CNOT6L: variants seen among roughly 807,000 people sequenced by gnomAD.
CNOT6L encodes the protein CCR4-NOT transcription complex subunit 6-like.
CNOT6L carries 7 observed loss-of-function variants against 64.0 expected under a neutral mutation model. That is an observed-to-expected ratio of 0.11 (90% confidence interval 0.06 to 0.21). The LOEUF is 0.21. Ranked by LOEUF, CNOT6L falls within the 10% of genes least tolerant of loss-of-function variation. CNOT6L has a pLI of 1.00. For synonymous variants in CNOT6L, 193 were observed against 243.4 expected (o/e 0.79, Z 1.93); for missense variants, 245 against 669.0 (o/e 0.37, Z 6.99).
chr4:77,773,513 C>T (rs1727834918), intron 3 of CNOT6L, among the ~76,000 whole-genome samples: 1 of 152,126 alleles, frequency 6.6e-6, no homozygotes, highest in Admixed American at 6.6e-5. Flanking sequence ...AGCAGCTAAA[C>T]AACAGATATC....
intron 9 of CNOT6L, 121 bp downstream of exon 9, chr4:77,731,266 A>C (rs1383830281): frequency 2.3e-6 from 2 of 859,538 alleles, no homozygotes; most frequent in Non-Finnish European, 3.6e-6. Context: ...ATCTCCCTTA[A>C]CTTTCCTCAA....
chr4:77,814,464 T>C (rs1235074540), intron 1 of CNOT6L, among the ~76,000 whole-genome samples: 3 of 152,186 alleles, frequency 2.0e-5, no homozygotes, highest in East Asian at 1.9e-4. Flanking sequence ...AGAATGTCTA[T>C]AAACAGTTTA....
chr4:77,720,747 C>A (rs1463704217), intron 11 of CNOT6L, 104 bp from the exon 12 acceptor site: 10 of 1,122,046 alleles, frequency 8.9e-6, no homozygotes, highest in South Asian at 4.6e-5. Flanking sequence ...TCTTCTGGTA[C>A]CTGTTGTCTT....
chr4:77,755,360 G>A (rs1725444031), intron 5 of CNOT6L, among the ~76,000 whole-genome samples: 1 of 147,044 alleles, frequency 6.8e-6, no homozygotes, highest in Non-Finnish European at 1.5e-5. Flanking sequence ...GGGACTACAG[G>A]CACGTGCCAC....
chr4:77,714,762 GA>G lies in CNOT6L; in HGVS notation c.*5668del, dbSNP rs1720569078. On this transcript the variant is annotated 3_prime_UTR_variant, in exon 12 of 12. Transcript: ENST00000504123. The stretch of plus-strand genomic sequence containing the variant: ...GAAAAGTTGGCAGAGCACCGCTCAG[GA>G]ATTTCACAGGTAAGGGAATATATTT... 1 of 152,554 alleles carries G rather than the reference GA, an allele frequency of 6.6e-6. No individual in the cohort carries two copies. Among genetic ancestry groups the G allele is most frequent in the South Asian group, 2.1e-4 (1 of 4,834 alleles). The allele number at this position is 152,554 out of a possible 1,614,324, so 9.5% of individuals were successfully genotyped here. A position where few individuals can be genotyped will look rare whatever the true frequency, so the allele number is the denominator to read the frequency against.
At chr4:77,792,378 G>A (rs1381191160) in intron 1 of CNOT6L, among the ~76,000 whole-genome samples, 1 of 151,966 alleles carries the variant, frequency 6.6e-6, no homozygotes, top group Non-Finnish European at 1.5e-5. Context: ...AATCCCAGTG[G>A]CAGCAACTAA....
intron 1 of CNOT6L, among the ~76,000 whole-genome samples, chr4:77,790,621 CATT>C (rs776086415): frequency 1.1e-4 from 16 of 152,212 alleles, no homozygotes; most frequent in South Asian, 4.2e-4. Flanking sequence ...ACTGGTATCT[CATT>C]GTTGTTTACA....
At position 77,748,399 on chromosome 4, in the gene CNOT6L, GTAAATATAGGT is replaced by G. The variant is rs534759755; in HGVS notation, c.491-26_491-16del. 26 of 1,536,832 alleles carry G rather than the reference GTAAATATAGGT, an allele frequency of 1.7e-5. No homozygotes were observed. The Admixed American group carries it at 4.2e-4, about 25-fold the overall frequency. ...CTCTGGATGAACTGAAAAAAATTTT[GTAAATATAGGT>G]TAATTTCATGTGTTTCTGAAATCTG... On this transcript the variant is annotated splice_polypyrimidine_tract_variant and intron_variant, in intron 5 of 11. Transcript: ENST00000504123.
intron 5 of CNOT6L, among the ~76,000 whole-genome samples, chr4:77,750,788 C>T (rs748028662): frequency 2.0e-5 from 3 of 152,204 alleles, no homozygotes; most frequent in Non-Finnish European, 4.4e-5. Context: ...CAATCTTCAA[C>T]AGAGCTCAAG....
chr4:77,782,645 T>TC (rs925212527), intron 1 of CNOT6L, among the ~76,000 whole-genome samples: 7 of 8,860 alleles, frequency 7.9e-4, no homozygotes, highest in African/African-American at 1.2e-3. Flanking sequence ...CCTAGCCTTT[T>TC]TTTTTTTTTT....
intron 1 of CNOT6L, among the ~76,000 whole-genome samples, chr4:77,795,289 G>A (rs1371431255): frequency 6.6e-6 from 1 of 152,108 alleles, no homozygotes; most frequent in Non-Finnish European, 1.5e-5. Flanking sequence ...AAAGTGCTGA[G>A]ATTACAGGTG....
rs1193656500 is a variant in CNOT6L at position 77,718,075 on chromosome 4, A to G, written c.*2356T>C. 1 of 152,568 alleles carries G rather than the reference A, an allele frequency of 6.6e-6. No homozygotes were observed. Among genetic ancestry groups the G allele is most frequent in the Admixed American group, 6.6e-5 (1 of 15,248 alleles). 9.5% of individuals were successfully genotyped at this position (152,568 alleles called of 1,614,324 possible). A position where few individuals can be genotyped will look rare whatever the true frequency, so the allele number is the denominator to read the frequency against. ...TTTCCCTCTACATTTAACTATTAAA[A>G]AAGTTTTTTATTAATAAATGGGCTC... On this transcript the variant is annotated 3_prime_UTR_variant, in exon 12 of 12. Coordinates refer to ENST00000504123, the MANE Select transcript of CNOT6L (RefSeq NM_144571.3).
chr4:77,803,699 T>C (rs1034996858), intron 1 of CNOT6L, among the ~76,000 whole-genome samples: 1 of 152,034 alleles, frequency 6.6e-6, no homozygotes, highest in African/African-American at 2.4e-5. Context: ...AGAACGGCAG[T>C]TCAAGACCAG....
intron 1 of CNOT6L, among the ~76,000 whole-genome samples, chr4:77,780,638 C>A (rs541640776): frequency 6.6e-6 from 1 of 152,156 alleles, no homozygotes; most frequent in Admixed American, 6.5e-5. Context: ...AGATAAGGAA[C>A]CCGATTTTCT....
chr4:77,722,223 A>C (rs1385276597), intron 11 of CNOT6L, among the ~76,000 whole-genome samples: 1 of 152,188 alleles, frequency 6.6e-6, no homozygotes, highest in African/African-American at 2.4e-5. Context: ...TCTAAAATAA[A>C]ACACATGAAA....
intron 5 of CNOT6L, among the ~76,000 whole-genome samples, chr4:77,755,116 TAC>T (rs1725379894): frequency 6.7e-6 from 1 of 149,758 alleles, no homozygotes; most frequent in Non-Finnish European, 1.5e-5. Flanking sequence ...TGCAACATAT[TAC>T]CAAAAAAAAG....
chr4:77,791,694 A>G (rs1458263412), intron 1 of CNOT6L, among the ~76,000 whole-genome samples: 1 of 152,150 alleles, frequency 6.6e-6, no homozygotes, highest in African/African-American at 2.4e-5. Context: ...TCTGATTGAG[A>G]AAAATTAATC....
At chr4:77,727,187 C>G (rs960083043) in intron 10 of CNOT6L, among the ~76,000 whole-genome samples, 1 of 152,114 alleles carries the variant, frequency 6.6e-6, no homozygotes, top group African/African-American at 2.4e-5. Flanking sequence ...TGCTACATGC[C>G]AGGCACTGTT....
At position 77,720,681 on chromosome 4, in the gene CNOT6L, C is replaced by T. The variant is rs756303251; in HGVS notation, c.1456-38G>A. ...TGGGAATAGGAAAAAAAGAAAAATT[C>T]AAGATATATAAAGAACAATCCATAA... On this transcript the variant is annotated intron_variant, in intron 11 of 11. Transcript: ENST00000504123. The T allele has an allele frequency of 1.9e-6, 3 of 1,601,364 alleles. No homozygotes were observed. In the East Asian group the frequency reaches 6.7e-5, roughly 36 times the overall value.
Sources: gnomAD v4.1 joint callset for allele counts (sites outside exome capture counted in the v4.1 genomes callset) on GRCh38, gnomAD v4.1.1 for gene constraint, MANE v1.5 for transcripts, NCBI Gene and HGNC (gene_info 2026-07-23, HGNC 2026-07-21) for gene names.